Variants in SPATA18 observed in about 807,000 individuals in gnomAD.
SPATA18 encodes the protein spermatogenesis associated 18.
A neutral mutation model predicts 68.1 loss-of-function variants in SPATA18; 54 were observed. The observed-to-expected ratio is 0.79, with a 90% CI of 0.64 to 0.99. The LOEUF is 0.99. Among genes scored for constraint, SPATA18 ranks in the 50% least tolerant of loss-of-function variants. The pLI, the probability that SPATA18 is intolerant of heterozygous loss-of-function variation, is 0.00. For missense variants in SPATA18, 724 were observed against 681.1 expected (o/e 1.06, Z -0.70); for synonymous variants, 242 against 244.8 (o/e 0.99, Z 0.11).
chr4:52,091,104 C>T (rs1220392043), intron 11 of SPATA18, among the ~76,000 whole-genome samples: 4 of 151,660 alleles, frequency 2.6e-5, no homozygotes, highest in African/African-American at 9.7e-5. Flanking sequence ...TTGTGTATTC[C>T]TCACGAAGTT....
intron 1 of SPATA18, among the ~76,000 whole-genome samples, chr4:52,054,050 G>A (rs1182553919): frequency 1.3e-5 from 2 of 152,204 alleles, no homozygotes; most frequent in African/African-American, 4.8e-5. Flanking sequence ...TCGTCCTAGA[G>A]CAATGCTGTC....
chr4:52,061,013 G>T, intron 3 of SPATA18, 116 bp downstream of exon 3: 1 of 782,464 alleles, frequency 1.3e-6, no homozygotes, highest in East Asian at 2.7e-5. Flanking sequence ...GTCACAATTT[G>T]TGATGGATAT....
chr4:52,069,799 T>C, intron 4 of SPATA18, 22 bp from the exon 5 acceptor site: 1 of 1,522,224 alleles, frequency 6.6e-7, no homozygotes, highest in South Asian at 1.3e-5. Flanking sequence ...AATCTATCTT[T>C]AGTTACTGAT....
chr4:52,079,941 G>A (rs1458801311), intron 9 of SPATA18, 22 bp downstream of exon 9: 4 of 1,603,636 alleles, frequency 2.5e-6, no homozygotes, highest in Non-Finnish European at 3.4e-6. Context: ...AGGAGCAGAA[G>A]CTAAGGGATT....
intron 5 of SPATA18, among the ~76,000 whole-genome samples, chr4:52,070,889 G>T (rs946975488): frequency 2.0e-5 from 3 of 151,536 alleles, no homozygotes; most frequent in African/African-American, 7.3e-5. Flanking sequence ...GTGGGGGGGG[G>T]GGTGTTTTAC....
intron 1 of SPATA18, among the ~76,000 whole-genome samples, chr4:52,055,627 A>G (rs1173987210): frequency 6.6e-6 from 1 of 152,174 alleles, no homozygotes; most frequent in Non-Finnish European, 1.5e-5. Context: ...TGCTGTGGTT[A>G]TCAATCTTCA....
At chr4:52,070,534 T>G (rs1271769163) in intron 5 of SPATA18, among the ~76,000 whole-genome samples, 166 of 54,242 alleles carry the variant, frequency 3.1e-3, no homozygotes, top group African/African-American at 0.012. Flanking sequence ...GGGACTGTTG[T>G]GGGGTAGGGG....
chr4:52,062,031 C>T (rs1447844432), intron 3 of SPATA18, among the ~76,000 whole-genome samples, 189 bp from the exon 4 acceptor site: 1 of 152,276 alleles, frequency 6.6e-6, no homozygotes, highest in East Asian at 1.9e-4. Flanking sequence ...GCATTTCTTG[C>T]ACCTTCCCCA....
In SPATA18 at chr4:52,060,870, T is replaced by C. The variant is rs1191108393; in HGVS notation, c.282T>C (p.Ser94=). The C allele has an allele frequency of 6.2e-7, 1 of 1,614,002 alleles. No individual in the cohort carries two copies. Among genetic ancestry groups the C allele is most frequent in the Non-Finnish European group, 8.5e-7 (1 of 1,179,924 alleles). ...ASFTAASLGK[S]VDSKVPSLQD... ...TTACTGCTGCTTCCCTGGGAAAATC[T>C]GTTGACAGCAAGGTCCCCTCTCTGC... is the stretch of plus-strand genomic sequence containing the variant. The change falls in exon 3 of 13, where the codon TCT becomes TCC. Residue 94 remains serine, a synonymous_variant. Coordinates refer to ENST00000295213, the MANE Select transcript of SPATA18 (RefSeq NM_145263.4).
At chr4:52,064,476 C>G (rs142653051) in intron 4 of SPATA18, among the ~76,000 whole-genome samples, 1,885 of 152,122 alleles carry the variant, frequency 0.012, 30 homozygotes, top group African/African-American at 0.039. Context: ...CATTCTTAAG[C>G]CTTTGCATCC....
At position 52,071,976 on chromosome 4, in the gene SPATA18, C is replaced by T. The variant is rs1739887497; in HGVS notation, c.578C>T (p.Ser193Leu). Residue 193 changes from serine to leucine, a missense_variant, in exon 6 of 13, where the codon TCA becomes TTA. Physicochemically the swap from Ser to Leu is moderately radical, Grantham distance 145 (BLOSUM62 -2). Transcript: ENST00000295213. ...CACAGAAACACAGATCAGAGGAGCT[C>T]AGAGAATAGGCGGTCAGAGCCTTGG... ...ARHRNTDQRS[S>L]ENRRSEPWSL... 1 of 1,613,900 alleles carries T rather than the reference C, an allele frequency of 6.2e-7. No homozygotes were observed. Among genetic ancestry groups the T allele is most frequent in the Non-Finnish European group, 8.5e-7 (1 of 1,180,006 alleles).
Position 52,076,806 on chromosome 4 carries a change from T to C in SPATA18, c.786T>C (p.Pro262=). ...GRSSRSRSPS[P]APRSRSCSRS... ...CCTCCAGGAGCCGGTCTCCCAGCCCTGCCCCTCGCAGCCGTAGCTGCAGCC... is the reference window on the plus strand; with the variant it reads ...CCTCCAGGAGCCGGTCTCCCAGCCCCGCCCCTCGCAGCCGTAGCTGCAGCC... Residue 262 remains proline (P), a synonymous_variant, in exon 7 of 13, where the codon CCT becomes CCC. Transcript: ENST00000295213. The C allele has an allele frequency of 6.2e-7, 1 of 1,614,048 alleles. No individual in the cohort carries two copies. Among genetic ancestry groups the C allele is most frequent in the Non-Finnish European group, 8.5e-7 (1 of 1,179,934 alleles).
intron 4 of SPATA18, 116 bp downstream of exon 4, chr4:52,062,448 A>ATAT (rs763631132): frequency 2.9e-6 from 2 of 684,662 alleles, no homozygotes; most frequent in South Asian, 3.6e-5. Flanking sequence ...CAAATAAGTA[A>ATAT]TATGATTGTG....
chr4:52,072,107 AAGG>A lies in SPATA18; in HGVS notation c.715_717del (p.Glu239del). ...TTATAAGAAACAGCTCCGAAACCTGAAGGAGGAGATAGCTGTTCTGTCTGCTGA... is the reference window on the plus strand; with the variant it reads ...TTATAAGAAACAGCTCCGAAACCTGAAGGAGATAGCTGTTCTGTCTGCTGA... On this transcript the variant is annotated inframe_deletion, in exon 6 of 13. Transcript: ENST00000295213. 5 of 1,614,084 alleles carry A rather than the reference AAGG, an allele frequency of 3.1e-6. No individual in the cohort carries two copies. The highest frequency in any genetic ancestry group is 4.2e-6 in the Non-Finnish European group (5 of 1,180,012).
chr4:52,064,826 A>G (rs908198970), intron 4 of SPATA18, among the ~76,000 whole-genome samples: 4 of 152,134 alleles, frequency 2.6e-5, no homozygotes, highest in Non-Finnish European at 2.9e-5. Context: ...TTGTAGTTCT[A>G]CTTTTAGTTA....
chr4:52,063,856 C>G (rs1040242280), intron 4 of SPATA18, among the ~76,000 whole-genome samples: 1 of 152,016 alleles, frequency 6.6e-6, no homozygotes, highest in African/African-American at 2.4e-5. Context: ...GGGAGGTATC[C>G]TGGGACATTA....
At chr4:52,058,161 C>T (rs531412648) in intron 1 of SPATA18, among the ~76,000 whole-genome samples, 1 of 152,320 alleles carries the variant, frequency 6.6e-6, no homozygotes, top group South Asian at 2.1e-4. Flanking sequence ...GTTTTAAATG[C>T]TCTATCATGT....
intron 11 of SPATA18, among the ~76,000 whole-genome samples, chr4:52,092,142 T>G (rs958339273): frequency 6.6e-6 from 1 of 152,114 alleles, no homozygotes; most frequent in Non-Finnish European, 1.5e-5. Context: ...TTTCCTGGGC[T>G]CCGTGGGGAT....
At chr4:52,055,380 CA>C (rs1738249683) in intron 1 of SPATA18, among the ~76,000 whole-genome samples, 1 of 152,100 alleles carries the variant, frequency 6.6e-6, no homozygotes. Flanking sequence ...CTCTCATTGC[CA>C]ATACTAGTGA....
Sources: gnomAD v4.1 joint callset for allele counts (sites outside exome capture counted in the v4.1 genomes callset) on GRCh38, gnomAD v4.1.1 for gene constraint, MANE v1.5 for transcripts, NCBI Gene and HGNC (gene_info 2026-07-23, HGNC 2026-07-21) for gene names.